ADGRF5: variants seen among roughly 807,000 people sequenced by gnomAD.
ADGRF5 encodes the protein adhesion G protein-coupled receptor F5.
ADGRF5 carries 75 observed loss-of-function variants against 132.3 expected under a neutral mutation model. The ratio of observed to expected loss-of-function variants is 0.57; its 90% CI spans 0.47 to 0.69. ADGRF5 has a LOEUF of 0.69. Among genes scored for constraint, ADGRF5 ranks in the 30% least tolerant of loss-of-function variants. The pLI is 0.00. For synonymous variants in ADGRF5, 629 were observed against 597.6 expected, an observed-to-expected ratio of 1.05 and a Z score of -0.77; for missense variants, 1,516 against 1,630.6, an observed-to-expected ratio of 0.93 and a Z score of 1.21.
chr6:46,890,912 G>A (rs986021738), intron 3 of ADGRF5, among the ~76,000 whole-genome samples: 11 of 152,090 alleles, frequency 7.2e-5, no homozygotes, highest in African/African-American at 2.7e-4. Flanking sequence ...CTAAAATAGA[G>A]TAAGTTTATC....
At chr6:46,886,507 A>G (rs952548165) in intron 4 of ADGRF5, 5 of 152,248 alleles carry the variant, frequency 3.3e-5, no homozygotes, top group Admixed American at 2.6e-4. Flanking sequence ...TGAGTCCCAC[A>G]TAAAATGCAA....
In ADGRF5 at chr6:46,863,146, A is replaced by G. The variant is rs75197876; in HGVS notation, c.1991-50T>C. On this transcript the variant is annotated intron_variant, in intron 14 of 20. Transcript: ENST00000283296. Reference sequence around the variant, plus strand: ...GGGATAATTGCAAGGAAGAGACAATATAGTAGAAATACGGTCAGGCCAAGG... The same window carrying G: ...GGGATAATTGCAAGGAAGAGACAATGTAGTAGAAATACGGTCAGGCCAAGG... 5.5e-4 allele frequency: 740 copies of G among 1,337,136 alleles called. 2 individuals carry two copies. In the African/African-American group the frequency reaches 8.9e-3, roughly 16 times the overall value. 82.8% of individuals were successfully genotyped at this position (1,337,136 alleles called of 1,614,324 possible). A position where few individuals can be genotyped will look rare whatever the true frequency, so the allele number is the denominator to read the frequency against.
At chr6:46,952,536 A>G (rs961430421) in intron 1 of ADGRF5, among the ~76,000 whole-genome samples, 2 of 152,258 alleles carry the variant, frequency 1.3e-5, no homozygotes, top group Admixed American at 1.3e-4. Flanking sequence ...GGCATGGCAC[A>G]TGGAAAGTAC....
rs1205896526 is a variant in ADGRF5 at position 46,852,695 on chromosome 6, C to T, written c.*1297G>A. The T allele has an allele frequency of 6.6e-6, 1 of 152,140 alleles. No individual in the cohort carries two copies. The highest frequency in any genetic ancestry group is 1.5e-5 in the Non-Finnish European group (1 of 68,032). The allele number at this position is 152,140 out of a possible 1,614,324, so 9.4% of individuals were successfully genotyped here. A position where few individuals can be genotyped will look rare whatever the true frequency, so the allele number is the denominator to read the frequency against. ...AATCAAATCCTTGGGAAAGGCTCTG[C>T]CATTTGTTCAACAAGGTCAAGTGTC... On this transcript the variant is annotated 3_prime_UTR_variant, in exon 21 of 21. Transcript: ENST00000283296.
chr6:46,883,861 C>T (rs1376128446), intron 5 of ADGRF5, among the ~76,000 whole-genome samples, 196 bp from the exon 6 acceptor site: 1 of 152,178 alleles, frequency 6.6e-6, no homozygotes, highest in East Asian at 1.9e-4. Context: ...CCTGCCTCAC[C>T]CTCCCGAGTA....
Position 46,883,569 on chromosome 6 carries a change from A to C in ADGRF5, c.602T>G (p.Leu201Trp). ...SALYRSYKTD[L>W]ETAFRKGYGI... is the part of the protein sequence containing the mutation. ...GGGGCCAAAACCTACCGCTGTTTCCAAGTCGGTCTTGTAGGACCTATAGAG... is the reference window on the plus strand; with the variant it reads ...GGGGCCAAAACCTACCGCTGTTTCCCAGTCGGTCTTGTAGGACCTATAGAG... The change falls in exon 6 of 21, where the codon TTG becomes TGG. Residue 201 changes from leucine (L) to tryptophan (W), a missense_variant. Leu to Trp is a moderately conservative substitution (Grantham distance 61). Coordinates refer to ENST00000283296, the MANE Select transcript of ADGRF5 (RefSeq NM_001098518.2). 6.3e-7 allele frequency: 1 copy of C among 1,599,276 alleles called. No individual in the cohort carries two copies. Among genetic ancestry groups the C allele is most frequent in the Non-Finnish European group, 8.6e-7 (1 of 1,168,944 alleles).
chr6:46,881,549 T>A lies in ADGRF5; in HGVS notation c.720A>T (p.Ser240=), dbSNP rs771877461. 5 of 1,613,450 alleles carry A rather than the reference T, an allele frequency of 3.1e-6. No homozygotes were observed. Among genetic ancestry groups the A allele is most frequent in the African/African-American group, 2.7e-5 (2 of 74,932 alleles). The change falls in exon 8 of 21, where the codon TCA becomes TCT. Residue 240 remains serine, a synonymous_variant. Transcript: ENST00000283296. ...CATTGGCTTTATGTATTAACTCAAG[T>A]GATGGTGGTGTAGTCTTGACTTCAT... is the stretch of plus-strand genomic sequence containing the variant. ...VTYEVKTTPP[S]LELIHKANEQ...
chr6:46,866,809 G>A (rs1238948823), intron 13 of ADGRF5, 116 bp downstream of exon 13: 7 of 640,718 alleles, frequency 1.1e-5, no homozygotes, highest in Admixed American at 2.8e-5. Context: ...ATTCTACTCT[G>A]TTAATTCTAT....
intron 3 of ADGRF5, among the ~76,000 whole-genome samples, chr6:46,891,639 C>CT (rs1196696060): frequency 6.6e-6 from 1 of 152,220 alleles, no homozygotes; most frequent in African/African-American, 2.4e-5. Flanking sequence ...CAATGCCTGC[C>CT]TGAGGGTCAT....
chr6:46,869,190 G>GAAA, intron 11 of ADGRF5, 98 bp from the exon 12 acceptor site: 1 of 1,510,706 alleles, frequency 6.6e-7, no homozygotes, highest in Admixed American at 2.3e-5. Flanking sequence ...TTCAGAGAGG[G>GAAA]ACAGAAAAAA....
chr6:46,857,008 C>G, intron 17 of ADGRF5, 100 bp from the exon 18 acceptor site: 1 of 895,176 alleles, frequency 1.1e-6, no homozygotes, highest in Non-Finnish European at 1.8e-6. Context: ...TGTACTACTT[C>G]TTTTTCCTTC....
At chr6:46,907,379 T>C (rs578043990) in intron 1 of ADGRF5, among the ~76,000 whole-genome samples, 1 of 152,238 alleles carries the variant, frequency 6.6e-6, no homozygotes, top group East Asian at 1.9e-4. Flanking sequence ...ATTTATTTTT[T>C]TTATTTTTTG....
intron 1 of ADGRF5, chr6:46,907,893 A>G (rs1775557832): frequency 6.6e-6 from 1 of 152,214 alleles, no homozygotes; most frequent in African/African-American, 2.4e-5. Flanking sequence ...GAATGAGATT[A>G]AAAGGCATGA....
intron 9 of ADGRF5, among the ~76,000 whole-genome samples, chr6:46,878,816 G>C (rs1333903392): frequency 6.6e-6 from 1 of 152,198 alleles, no homozygotes; most frequent in African/African-American, 2.4e-5. Flanking sequence ...TCATCATGCA[G>C]AGAAAAGAAG....
intron 2 of ADGRF5, among the ~76,000 whole-genome samples, chr6:46,905,743 CAAT>C (rs60070282): frequency 0.063 from 9,623 of 152,088 alleles, 1,007 homozygotes; most frequent in African/African-American, 0.22. Context: ...CCTCTAACAA[CAAT>C]GACTGACAAA....
At chr6:46,949,303 G>T (rs569088876) in intron 1 of ADGRF5, among the ~76,000 whole-genome samples, 1 of 152,174 alleles carries the variant, frequency 6.6e-6, no homozygotes, top group Non-Finnish European at 1.5e-5. Context: ...AACATGTGAG[G>T]GTCCAGAACT....
At chr6:46,892,122 C>T (rs1046891881) in intron 3 of ADGRF5, among the ~76,000 whole-genome samples, 3 of 150,462 alleles carry the variant, frequency 2.0e-5, no homozygotes, top group Non-Finnish European at 4.4e-5. Context: ...CCAAACTTAA[C>T]TGAGGATTAC....
intron 1 of ADGRF5, among the ~76,000 whole-genome samples, chr6:46,934,902 G>A (rs1293575053): frequency 1.3e-5 from 2 of 150,832 alleles, no homozygotes; most frequent in Non-Finnish European, 3.0e-5. Flanking sequence ...ACCAGTAATA[G>A]TAGCAATTGT....
At chr6:46,953,631 A>G (rs1778581744) in intron 1 of ADGRF5, among the ~76,000 whole-genome samples, 1 of 111,190 alleles carries the variant, frequency 9.0e-6, no homozygotes, top group Non-Finnish European at 1.8e-5. Flanking sequence ...AAAAAAAATT[A>G]TATATATATA....
Sources: gnomAD v4.1 joint callset for allele counts (sites outside exome capture counted in the v4.1 genomes callset) on GRCh38, gnomAD v4.1.1 for gene constraint, MANE v1.5 for transcripts, NCBI Gene and HGNC (gene_info 2026-07-23, HGNC 2026-07-21) for gene names.